The following B4GALT2 variants were observed in gnomAD, a reference collection of about 807,000 sequenced individuals.
B4GALT2 encodes the protein N-acetyllactosamine synthase.
A neutral mutation model predicts 33.2 loss-of-function variants in B4GALT2; 18 were observed. That is an observed-to-expected ratio of 0.54 (90% CI 0.38 to 0.80). The LOEUF (loss-of-function observed/expected upper bound fraction) is 0.80. B4GALT2 is among the 30% of genes least tolerant of loss of function. B4GALT2 has a pLI of 0.00. For synonymous variants in B4GALT2, 214 were observed against 217.6 expected, an observed-to-expected ratio of 0.98 and a Z score of 0.15; for missense variants, 404 against 526.2, an observed-to-expected ratio of 0.77 and a Z score of 2.27.
chr1:43,980,950 G>A (rs2085586819), intron 1 of B4GALT2, among the ~76,000 whole-genome samples, 159 bp from the exon 2 acceptor site: 1 of 152,164 alleles, frequency 6.6e-6, no homozygotes, highest in Non-Finnish European at 1.5e-5. Context: ...CTGGGTGTCT[G>A]TTTGGAGGTA....
At chr1:43,985,437 G>A (rs201447640) in intron 5 of B4GALT2, 37 bp downstream of exon 5, 4 of 714,114 alleles carry the variant, frequency 5.6e-6, no homozygotes, top group Non-Finnish European at 6.8e-6. Context: ...GCTGGGTGGG[G>A]GGGGGAGGGG....
rs1362946858 is a variant in B4GALT2 at position 43,979,860 on chromosome 1, C to G, written c.-53+349C>G. The G allele has an allele frequency of 3.8e-6, 3 of 798,838 alleles. No homozygotes were observed. Among genetic ancestry groups the G allele is most frequent in the Non-Finnish European group, 5.9e-6 (3 of 507,712 alleles). 49.5% of individuals were successfully genotyped at this position (798,838 alleles called of 1,614,324 possible). A position where few individuals can be genotyped will look rare whatever the true frequency, so the allele number is the denominator to read the frequency against. The stretch of plus-strand genomic sequence containing the variant: ...CACCCACCCGGTCTGTGCGGCCTGC[C>G]CGTCCGCGGGTGCCACGTGTTCAGC... On this transcript the variant is annotated intron_variant, in intron 1 of 6. Transcript: ENST00000372324. The surrounding 1 kb of genome is among the most constrained non-coding windows in gnomAD (Gnocchi z 4.8).
Position 43,981,819 on chromosome 1 carries a change from C to T in B4GALT2, c.444C>T (p.Ile148=). ...CCCCAGCCCAGACGGTGGCGGTCATCATCCCCTTTAGACACCGGGAACACC... is the reference window on the plus strand; with the variant it reads ...CCCCAGCCCAGACGGTGGCGGTCATTATCCCCTTTAGACACCGGGAACACC... The part of the protein sequence containing the change: ...DCTPAQTVAV[I]IPFRHREHHL... Residue 148 remains isoleucine, a synonymous_variant, in exon 3 of 7, where the codon ATC becomes ATT. Coordinates refer to ENST00000372324, the MANE Select transcript of B4GALT2 (RefSeq NM_003780.5). The surrounding 1 kb of genome is among the most constrained non-coding windows in gnomAD (Gnocchi z 8.1). The T allele has an allele frequency of 1.2e-6, 2 of 1,613,916 alleles. No individual in the cohort carries two copies. Among genetic ancestry groups the T allele is most frequent in the East Asian group, 4.5e-5 (2 of 44,882 alleles).
intron 1 of B4GALT2, 129 bp from the exon 2 acceptor site, chr1:43,980,980 G>A (rs2085587315): frequency 7.8e-7 from 1 of 1,285,126 alleles, no homozygotes; most frequent in African/African-American, 1.5e-5. Flanking sequence ...GTCTGTGAGT[G>A]TGAAAGGGTA....
chr1:43,985,440 GGGA>G (rs200144349), intron 5 of B4GALT2, 40 bp downstream of exon 5: 67,230 of 562,732 alleles, frequency 0.12, 2,220 homozygotes, highest in Non-Finnish European at 0.15. Flanking sequence ...GGGTGGGGGG[GGGA>G]GGGGGGGTGC....
chr1:43,982,775 T>C lies in B4GALT2; in HGVS notation c.549+851T>C, dbSNP rs139633355. Among the ~76,000 whole-genome samples, 1 of 152,252 alleles carries C rather than the reference T, an allele frequency of 6.6e-6. No homozygotes were observed. Among genetic ancestry groups the C allele is most frequent in the Non-Finnish European group, 1.5e-5 (1 of 68,012 alleles). On this transcript the variant is annotated intron_variant, in intron 3 of 6. Transcript: ENST00000372324. This position sits in a 1 kb window ranked among gnomAD's most constrained non-coding sequence, Gnocchi z 4.3. ...AGCGCAAAAGTGACAGGGCACCATG[T>C]AAGGTTGTAAGGAGAGAGTGACTTG...
chr1:43,983,938 TTCTC>T (rs1428003859), intron 3 of B4GALT2, among the ~76,000 whole-genome samples: 1 of 152,158 alleles, frequency 6.6e-6, no homozygotes, highest in East Asian at 1.9e-4. Flanking sequence ...AAGAGGGCCT[TTCTC>T]TCCGCTCATT....
In B4GALT2 at chr1:43,984,509, G is replaced by A. The variant is rs2085634098; in HGVS notation, c.550-356G>A. Among the ~76,000 whole-genome samples the A allele has an allele frequency of 6.6e-6, 1 of 152,256 alleles. No homozygotes were observed. The highest frequency in any genetic ancestry group is 2.1e-4 in the South Asian group (1 of 4,838). On this transcript the variant is annotated intron_variant, in intron 3 of 6. Coordinates refer to ENST00000372324, the MANE Select transcript of B4GALT2 (RefSeq NM_003780.5). The surrounding 1 kb of genome is among the most constrained non-coding windows in gnomAD (Gnocchi z 5.6). ...GGGAAGGAAGGAATAAGCGTACTGG[G>A]GTGGGGAAGTGTGGTCAGGGGAGCC...
rs1375522527 is a variant in B4GALT2, at chr1:43,990,903, G to A, written c.*455G>A. 1 of 174,392 alleles carries A rather than the reference G, an allele frequency of 5.7e-6. No homozygotes were observed. The highest frequency in any genetic ancestry group is 1.3e-5 in the Non-Finnish European group (1 of 79,878). 10.8% of individuals were successfully genotyped at this position (174,392 alleles called of 1,614,324 possible). On this transcript the variant is annotated 3_prime_UTR_variant, in exon 7 of 7. Coordinates refer to ENST00000372324, the MANE Select transcript of B4GALT2 (RefSeq NM_003780.5). ...GAACCCCCTTGCTCCCAGGGGAGGGGAAACCTTTTTCATTCAACATTGTAG... is the reference window on the plus strand; with the variant it reads ...GAACCCCCTTGCTCCCAGGGGAGGGAAAACCTTTTTCATTCAACATTGTAG...
chr1:43,980,228 C>A, intron 1 of B4GALT2: 2 of 646,032 alleles, frequency 3.1e-6, no homozygotes, highest in Non-Finnish European at 4.8e-6. Flanking sequence ...GGAACCACAG[C>A]TGGAGCCATC....
intron 3 of B4GALT2, among the ~76,000 whole-genome samples, chr1:43,983,297 AG>A (rs922596838): frequency 1.3e-5 from 2 of 152,170 alleles, no homozygotes; most frequent in African/African-American, 4.8e-5. Context: ...GGGGCATGAG[AG>A]GAGGAAGCCA....
chr1:43,989,418 C>T (rs1403210543), intron 6 of B4GALT2, among the ~76,000 whole-genome samples: 1 of 152,086 alleles, frequency 6.6e-6, no homozygotes, highest in African/African-American at 2.4e-5. Context: ...GGCCATCCCA[C>T]TGGCTAGGAA....
At chr1:43,987,862 T>C (rs2085676572) in intron 6 of B4GALT2, among the ~76,000 whole-genome samples, 1 of 152,244 alleles carries the variant, frequency 6.6e-6, no homozygotes, top group South Asian at 2.1e-4. Flanking sequence ...CAAAATCTTA[T>C]TCCCAATTTA....
chr1:43,984,891 C>A lies in B4GALT2; in HGVS notation c.576C>A (p.Ala192=). 6.2e-7 allele frequency: 1 copy of A among 1,613,986 alleles called. No homozygotes were observed. The highest frequency in any genetic ancestry group is 1.1e-5 in the South Asian group (1 of 91,086). Residue 192 remains alanine (A), a synonymous_variant, in exon 4 of 7, where the codon GCC becomes GCA. Coordinates refer to ENST00000372324, the MANE Select transcript of B4GALT2 (RefSeq NM_003780.5). The surrounding 1 kb of genome is among the most constrained non-coding windows in gnomAD (Gnocchi z 5.6). ...NQHGEDTFNR[A]KLLNVGFLEA... ...ATGGTGAGGACACCTTCAACCGGGC[C>A]AAGCTGCTTAACGTGGGCTTCCTAG...
chr1:43,980,385 G>A (rs2085581221), intron 1 of B4GALT2: 1 of 316,524 alleles, frequency 3.2e-6, no homozygotes, highest in Non-Finnish European at 5.1e-6. Context: ...GAGGTCTTAA[G>A]TGAGGGGTGT....
At position 43,990,888 on chromosome 1, in the gene B4GALT2, G is replaced by A. The variant is rs59006081; in HGVS notation, c.*440G>A. On this transcript the variant is annotated 3_prime_UTR_variant, in exon 7 of 7. Coordinates refer to ENST00000372324, the MANE Select transcript of B4GALT2 (RefSeq NM_003780.5). ...ATTCTCAGCTCTTGGGAACCCCCTT[G>A]CTCCCAGGGGAGGGGAAACCTTTTT... 0.024 allele frequency: 4,336 copies of A among 178,898 alleles called. 198 individuals are homozygous for A. Among genetic ancestry groups the A allele is most frequent in the African/African-American group, 0.096 (4,098 of 42,498 alleles). The allele number at this position is 178,898 out of a possible 1,614,324, so 11.1% of individuals were successfully genotyped here.
At position 43,979,288 on chromosome 1, in the gene B4GALT2, G is replaced by C. The variant is rs1035589388; in HGVS notation, c.-276G>C. Reference sequence around the variant, plus strand: ...GGTCCGCCGGTCCGTGGGTCTGCCCGGCCGCCCGGCCCCGCCCTGCCCCCC... The same window carrying C: ...GGTCCGCCGGTCCGTGGGTCTGCCCCGCCGCCCGGCCCCGCCCTGCCCCCC... On this transcript the variant is annotated 5_prime_UTR_variant, in exon 1 of 7. Coordinates refer to ENST00000372324, the MANE Select transcript of B4GALT2 (RefSeq NM_003780.5). This position sits in a 1 kb window ranked among gnomAD's most constrained non-coding sequence, Gnocchi z 4.8. 1 of 146,456 alleles carries C rather than the reference G, an allele frequency of 6.8e-6. No individual in the cohort carries two copies. Among genetic ancestry groups the C allele is most frequent in the Non-Finnish European group, 1.5e-5 (1 of 65,620 alleles). The allele number at this position is 146,456 out of a possible 1,614,324, so 9.1% of individuals were successfully genotyped here.
Position 43,985,291 on chromosome 1 carries a change from G to C in B4GALT2, c.754G>C (p.Gly252Arg). 1 of 1,612,766 alleles carries C rather than the reference G, an allele frequency of 6.2e-7. No homozygotes were observed. Among genetic ancestry groups the C allele is most frequent in the East Asian group, 2.2e-5 (1 of 44,846 alleles). The change falls in exon 5 of 7, where the codon GGC becomes CGC. Residue 252 changes from glycine (G) to arginine (R), a missense_variant. Physicochemically the swap from Gly to Arg is moderately radical, Grantham distance 125. Transcript: ENST00000372324. Reference sequence around the variant, plus strand: ...CCCATGCCACAGGCTTCCCTATGCTGGCTACTTTGGAGGTGTGTCAGGCCT... The same window carrying C: ...CCCATGCCACAGGCTTCCCTATGCTCGCTACTTTGGAGGTGTGTCAGGCCT... ...DKFGFRLPYA[G>R]YFGGVSGLSK...
rs771523583 is a variant in B4GALT2, at chr1:43,981,751, C to T, written c.376C>T (p.Pro126Ser). 6.2e-7 allele frequency: 1 copy of T among 1,613,514 alleles called. No individual in the cohort carries two copies. Among genetic ancestry groups the T allele is most frequent in the Non-Finnish European group, 8.5e-7 (1 of 1,180,012 alleles). The change falls in exon 3 of 7, where the codon CCA (proline) becomes TCA (serine). Residue 126 changes from proline (P) to serine (S), a missense_variant. Physicochemically the swap from Pro to Ser is moderately conservative, Grantham distance 74. Coordinates refer to ENST00000372324, the MANE Select transcript of B4GALT2 (RefSeq NM_003780.5). This position sits in a 1 kb window ranked among gnomAD's most constrained non-coding sequence, Gnocchi z 8.1. The stretch of plus-strand genomic sequence containing the variant: ...CCTGGAGCGGGTGCAGAGGGAGAAC[C>T]CAGGCGTGCTCATGGGCGGCCGATA... ...MPLERVQREN[P>S]GVLMGGRYTP...
Sources: allele counts gnomAD v4.1 joint callset (sites outside exome capture counted in the v4.1 genomes callset), GRCh38; gene constraint gnomAD v4.1.1; non-coding constraint Gnocchi (gnomAD v3.1); transcripts MANE v1.5; gene names NCBI Gene and HGNC (gene_info 2026-07-23, HGNC 2026-07-21).